Variants in FSTL5 observed in about 807,000 individuals in gnomAD.
The protein encoded by FSTL5 is follistatin-related protein 5.
Under a neutral mutation model 89.1 loss-of-function variants are expected in FSTL5, and 62 were observed. The observed-to-expected ratio is 0.70, with a 90% CI of 0.57 to 0.86. FSTL5 has a LOEUF of 0.86. FSTL5 is among the 40% of genes least tolerant of loss of function. The probability of loss-of-function intolerance (pLI) is 0.00; values close to 1 mark genes in which losing one functional copy is unlikely to be tolerated. For synonymous variants in FSTL5, 383 were observed against 346.2 expected (o/e 1.11, Z -1.18); for missense variants, 1,057 against 1,001.6 (o/e 1.06, Z -0.75).
At chr4:162,160,113 T>TAAATATATGTGTATATACATATATGTGA (rs1733637554) in intron 1 of FSTL5, among the ~76,000 whole-genome samples, 1 of 151,962 alleles carries the variant, frequency 6.6e-6, no homozygotes, top group African/African-American at 2.4e-5. Context: ...CATATATGTG[T>TAAATATATGTGTATATACATATATGTGA]AAATATATAT....
chr4:161,806,369 A>G (rs1003119491), intron 4 of FSTL5, among the ~76,000 whole-genome samples: 6 of 152,240 alleles, frequency 3.9e-5, no homozygotes, highest in African/African-American at 1.4e-4. Context: ...CCAATATACC[A>G]TTGTTGGGCA....
chr4:161,528,848 C>T (rs1404501746), intron 10 of FSTL5, among the ~76,000 whole-genome samples: 2 of 142,922 alleles, frequency 1.4e-5, no homozygotes, highest in Non-Finnish European at 3.1e-5. Context: ...ACAAGAAATA[C>T]AACGTTAGTA....
intron 4 of FSTL5, among the ~76,000 whole-genome samples, chr4:161,868,949 C>T (rs974642570): frequency 1.3e-5 from 2 of 152,128 alleles, no homozygotes; most frequent in African/African-American, 4.8e-5. Context: ...AGGCCAGGCT[C>T]GGTGGCTCAC....
intron 7 of FSTL5, among the ~76,000 whole-genome samples, chr4:161,635,956 C>T (rs937960460): frequency 2.0e-5 from 3 of 152,094 alleles, no homozygotes; most frequent in African/African-American, 7.2e-5. Context: ...TCAACAAATT[C>T]CTTAACTGGG....
At chr4:162,036,799 A>G (rs1197221141) in intron 2 of FSTL5, among the ~76,000 whole-genome samples, 3 of 151,986 alleles carry the variant, frequency 2.0e-5, no homozygotes, top group East Asian at 1.9e-4. Context: ...CCCATTCAAT[A>G]TATTGACATA....
chr4:162,151,894 A>G (rs1733239183), intron 1 of FSTL5, among the ~76,000 whole-genome samples: 1 of 152,228 alleles, frequency 6.6e-6, no homozygotes, highest in Admixed American at 6.5e-5. Context: ...CTAGAAGGCC[A>G]GAATCAGAAT....
intron 8 of FSTL5, among the ~76,000 whole-genome samples, chr4:161,547,309 T>C (rs1732040988): frequency 6.6e-6 from 1 of 152,080 alleles, no homozygotes; most frequent in Non-Finnish European, 1.5e-5. Context: ...TATTTGATTA[T>C]TTCATTTCTC....
intron 10 of FSTL5, among the ~76,000 whole-genome samples, chr4:161,530,851 A>T (rs1306273118): frequency 1.3e-5 from 2 of 152,148 alleles, no homozygotes; most frequent in Non-Finnish European, 2.9e-5. Flanking sequence ...CTTCATATTG[A>T]GGATGAACCT....
intron 1 of FSTL5, among the ~76,000 whole-genome samples, chr4:162,149,758 G>A (rs1388476434): frequency 6.6e-6 from 1 of 152,050 alleles, no homozygotes; most frequent in Non-Finnish European, 1.5e-5. Flanking sequence ...CACACATATA[G>A]CGTGCTTCTG....
At chr4:161,499,915 A>G (rs1345201247) in intron 12 of FSTL5, 101 bp downstream of exon 12, 10 of 688,214 alleles carry the variant, frequency 1.5e-5, no homozygotes, top group Non-Finnish European at 2.6e-5. Context: ...TTCTTCCAAC[A>G]CGAGTCTCAT....
chr4:161,394,046 G>A (rs1409970789), intron 15 of FSTL5, among the ~76,000 whole-genome samples: 1 of 152,120 alleles, frequency 6.6e-6, no homozygotes, highest in Admixed American at 6.5e-5. Context: ...CTAAAGTCTA[G>A]TTAATGTATA....
chr4:161,774,248 C>G (rs964553904), intron 5 of FSTL5, among the ~76,000 whole-genome samples: 1 of 152,064 alleles, frequency 6.6e-6, no homozygotes. Context: ...ATCACAAATG[C>G]AAGGGAAGGC....
intron 4 of FSTL5, among the ~76,000 whole-genome samples, chr4:161,860,160 C>G (rs567205835): frequency 3.9e-5 from 6 of 151,906 alleles, no homozygotes; most frequent in Admixed American, 2.6e-4. Flanking sequence ...TGGTGGCGGG[C>G]GCCTGTAGTC....
intron 7 of FSTL5, among the ~76,000 whole-genome samples, chr4:161,601,628 A>G (rs2126625177): frequency 6.6e-6 from 1 of 152,264 alleles, no homozygotes; most frequent in East Asian, 1.9e-4. Flanking sequence ...TGGTAGAGGG[A>G]CAAGAGCATA....
At chr4:161,389,298 G>C (rs972387452) in intron 15 of FSTL5, among the ~76,000 whole-genome samples, 1 of 152,102 alleles carries the variant, frequency 6.6e-6, no homozygotes, top group African/African-American at 2.4e-5. Flanking sequence ...AAATAAGAGA[G>C]TTAAAATTGA....
At chr4:161,763,359 A>G (rs1740874770) in intron 5 of FSTL5, among the ~76,000 whole-genome samples, 1 of 152,228 alleles carries the variant, frequency 6.6e-6, no homozygotes, top group Non-Finnish European at 1.5e-5. Flanking sequence ...TGAATGTGCC[A>G]GAAGTGGATG....
intron 4 of FSTL5, among the ~76,000 whole-genome samples, chr4:161,916,361 G>A (rs1456900554): frequency 6.6e-6 from 1 of 152,122 alleles, no homozygotes; most frequent in Admixed American, 6.5e-5. Flanking sequence ...TAGTATAGAT[G>A]TTTTGTATGA....
At chr4:162,017,624 G>A (rs779803432) in intron 3 of FSTL5, among the ~76,000 whole-genome samples, 5 of 152,164 alleles carry the variant, frequency 3.3e-5, no homozygotes, top group African/African-American at 7.2e-5. Context: ...CACGTTGTTC[G>A]TTTATTTTCA....
At chr4:161,996,014 T>C in intron 3 of FSTL5, among the ~76,000 whole-genome samples, 1 of 151,938 alleles carries the variant, frequency 6.6e-6, no homozygotes, top group Non-Finnish European at 1.5e-5. Context: ...AACACTGGAG[T>C]TAATGCAGTT....
Sources: gnomAD v4.1 joint callset for allele counts (sites outside exome capture counted in the v4.1 genomes callset) on GRCh38, gnomAD v4.1.1 for gene constraint, MANE v1.5 for transcripts, NCBI Gene and HGNC (gene_info 2026-07-23, HGNC 2026-07-21) for gene names.